FBXL17: variants seen among roughly 807,000 people sequenced by gnomAD.
FBXL17 encodes F-box/LRR-repeat protein 17.
A neutral mutation model predicts 66.2 loss-of-function variants in FBXL17; 22 were observed. The observed-to-expected ratio is 0.33, with a 90% CI of 0.24 to 0.47. The LOEUF (loss-of-function observed/expected upper bound fraction) is 0.47, where lower values mean the gene tolerates loss of function less well. Among genes scored for constraint, FBXL17 ranks in the 20% least tolerant of loss-of-function variants. The pLI is 1.00. For synonymous variants in FBXL17, 474 were observed against 400.5 expected (o/e 1.18, Z -2.19); for missense variants, 878 against 948.2 (o/e 0.93, Z 0.97).
At chr5:108,226,774 G>T (rs1755119134) in intron 4 of FBXL17, among the ~76,000 whole-genome samples, 1 of 152,122 alleles carries the variant, frequency 6.6e-6, no homozygotes, top group Non-Finnish European at 1.5e-5. Flanking sequence ...CGGAGAATTG[G>T]TGCTCTCTCT....
chr5:108,303,132 G>C (rs1251412264), intron 4 of FBXL17, among the ~76,000 whole-genome samples: 3 of 151,582 alleles, frequency 2.0e-5, no homozygotes, highest in Non-Finnish European at 4.4e-5. Flanking sequence ...CATAAGACTT[G>C]TATATATATA....
chr5:107,880,939 T>A, intron 8 of FBXL17, 98 bp downstream of exon 8: 2 of 1,597,786 alleles, frequency 1.3e-6, no homozygotes, highest in Non-Finnish European at 1.7e-6. Flanking sequence ...TAATATATAA[T>A]ACACGGGGGT....
At chr5:108,320,813 G>C (rs980961032) in intron 4 of FBXL17, among the ~76,000 whole-genome samples, 9 of 151,846 alleles carry the variant, frequency 5.9e-5, no homozygotes, top group Non-Finnish European at 1.2e-4. Flanking sequence ...ATTTAAGTAG[G>C]TTATCTTCGA....
intron 6 of FBXL17, among the ~76,000 whole-genome samples, chr5:108,127,531 T>C (rs962374562): frequency 2.0e-5 from 3 of 152,170 alleles, no homozygotes; most frequent in Non-Finnish European, 2.9e-5. Context: ...ATAATGGTTG[T>C]TCTCTTGGGG....
chr5:108,007,221 A>G (rs1208955926), intron 7 of FBXL17, among the ~76,000 whole-genome samples: 1 of 152,234 alleles, frequency 6.6e-6, no homozygotes, highest in Non-Finnish European at 1.5e-5. Context: ...CCTGGAGTCC[A>G]TCTTTTCTGT....
In FBXL17 at chr5:108,029,265, G is replaced by C. The variant is rs137916836; in HGVS notation, c.1746-8264C>G. On this transcript the variant is annotated intron_variant, in intron 6 of 8. Coordinates refer to ENST00000542267, the MANE Select transcript of FBXL17 (RefSeq NM_001163315.3). ...GAATGAGGAAGGAGTTGTAGATTAG[G>C]GAGCAGAAAAAGTGTAGGCAGTGGG... Among the ~76,000 whole-genome samples the C allele has an allele frequency of 6.4e-3, 973 of 152,102 alleles. 7 individuals are homozygous for C. Among genetic ancestry groups the C allele is most frequent in the African/African-American group, 0.023 (945 of 41,486 alleles).
At chr5:108,062,810 C>T (rs1413000755) in intron 6 of FBXL17, among the ~76,000 whole-genome samples, 1 of 151,948 alleles carries the variant, frequency 6.6e-6, no homozygotes. Context: ...AAAGAAGTAA[C>T]TGCAAAAACA....
At chr5:108,037,968 G>GCC (rs1746908549) in intron 6 of FBXL17, among the ~76,000 whole-genome samples, 2 of 152,092 alleles carry the variant, frequency 1.3e-5, no homozygotes, top group African/African-American at 2.4e-5. Context: ...TACAAGAAAT[G>GCC]TAACGGAAGG....
chr5:108,004,832 G>A (rs996393855), intron 7 of FBXL17, among the ~76,000 whole-genome samples: 1 of 152,216 alleles, frequency 6.6e-6, no homozygotes, highest in East Asian at 1.9e-4. Flanking sequence ...CTTCTAGACA[G>A]AATTCGTAGC....
chr5:108,078,322 C>G (rs1307264831), intron 6 of FBXL17, among the ~76,000 whole-genome samples: 1 of 152,164 alleles, frequency 6.6e-6, no homozygotes, highest in Non-Finnish European at 1.5e-5. Flanking sequence ...TCTCTAACAA[C>G]CTCTAACCCA....
At chr5:108,324,320 A>G (rs1759752514) in intron 4 of FBXL17, among the ~76,000 whole-genome samples, 2 of 152,098 alleles carry the variant, frequency 1.3e-5, no homozygotes, top group Non-Finnish European at 2.9e-5. Context: ...AAAGCACATG[A>G]AAACATGCTT....
At chr5:108,156,386 A>G (rs1179679501) in intron 6 of FBXL17, among the ~76,000 whole-genome samples, 1 of 152,024 alleles carries the variant, frequency 6.6e-6, no homozygotes, top group Non-Finnish European at 1.5e-5. Context: ...AAAAAAATCA[A>G]TATATTTGAT....
chr5:108,198,242 CCTT>C (rs1438668738), intron 5 of FBXL17, among the ~76,000 whole-genome samples: 2 of 152,096 alleles, frequency 1.3e-5, no homozygotes, highest in Non-Finnish European at 2.9e-5. Context: ...AGCTTTCTCT[CCTT>C]CTAATTTTAA....
chr5:108,002,801 A>C (rs1446486610), intron 7 of FBXL17, among the ~76,000 whole-genome samples: 2 of 152,344 alleles, frequency 1.3e-5, no homozygotes, highest in Admixed American at 6.5e-5. Context: ...AAGAGAAAGA[A>C]GGTATATGCA....
chr5:108,242,830 T>A (rs1019794875), intron 4 of FBXL17, among the ~76,000 whole-genome samples: 2 of 152,076 alleles, frequency 1.3e-5, no homozygotes, highest in Non-Finnish European at 2.9e-5. Flanking sequence ...TCTAAAAAAA[T>A]TCAGCAAAAA....
chr5:108,292,341 G>A lies in FBXL17; in HGVS notation c.1506+56058C>T, dbSNP rs574258711. 1.1e-3 allele frequency among the ~76,000 whole-genome samples: 167 copies of A among 151,952 alleles called. 3 individuals carry two copies. Among genetic ancestry groups the A allele is most frequent in the African/African-American group, 3.7e-3 (155 of 41,462 alleles). Reference sequence around the variant, plus strand: ...TCTCCATGTTAGTCAGTCTGGTCTCGAACTCCTGACCTCAGGTGATTCACC... The same window carrying A: ...TCTCCATGTTAGTCAGTCTGGTCTCAAACTCCTGACCTCAGGTGATTCACC... On this transcript the variant is annotated intron_variant, in intron 4 of 8. Coordinates refer to ENST00000542267, the MANE Select transcript of FBXL17 (RefSeq NM_001163315.3).
chr5:108,094,981 G>A (rs1037453888), intron 6 of FBXL17, among the ~76,000 whole-genome samples: 20 of 151,944 alleles, frequency 1.3e-4, no homozygotes, highest in African/African-American at 4.8e-4. Context: ...TGGTAGGGAA[G>A]CAATCATCAC....
intron 6 of FBXL17, among the ~76,000 whole-genome samples, chr5:108,061,668 A>G (rs1188488437): frequency 6.6e-6 from 1 of 152,182 alleles, no homozygotes; most frequent in Non-Finnish European, 1.5e-5. Context: ...CATTACTCGT[A>G]ACTGGATTAT....
intron 4 of FBXL17, among the ~76,000 whole-genome samples, chr5:108,332,069 C>T (rs573597843): frequency 6.6e-6 from 1 of 151,864 alleles, no homozygotes; most frequent in Admixed American, 6.6e-5. Flanking sequence ...ACTGATCAGA[C>T]ATATATACAA....
Sources: gnomAD v4.1 joint callset for allele counts (sites outside exome capture counted in the v4.1 genomes callset) on GRCh38, gnomAD v4.1.1 for gene constraint, MANE v1.5 for transcripts, NCBI Gene and HGNC (gene_info 2026-07-23, HGNC 2026-07-21) for gene names.